ITSN2: variants seen among roughly 807,000 people sequenced by gnomAD.
The protein encoded by ITSN2 is intersectin-2.
In ITSN2, 156 loss-of-function variants were observed where a neutral mutation model predicts 243.7. The observed-to-expected ratio is 0.64, with a 90% CI of 0.56 to 0.73. ITSN2 has a LOEUF of 0.73. ITSN2 is among the 30% of genes least tolerant of loss of function. ITSN2 has a pLI of 0.00. For missense variants in ITSN2, 1,801 were observed against 1,996.1 expected, an observed-to-expected ratio of 0.90 and a Z score of 1.86; for synonymous variants, 703 against 699.9, an observed-to-expected ratio of 1.00 and a Z score of -0.07.
At chr2:24,255,984 TG>T (rs1674983819) in intron 23 of ITSN2, among the ~76,000 whole-genome samples, 2 of 150,614 alleles carry the variant, frequency 1.3e-5, no homozygotes, top group South Asian at 4.2e-4. Flanking sequence ...ACCCGGGAGG[TG>T]GAGGTTGTGG....
At chr2:24,310,225 T>G (rs1683081751) in intron 7 of ITSN2, 59 bp downstream of exon 7, 3 of 1,102,706 alleles carry the variant, frequency 2.7e-6, no homozygotes, top group African/African-American at 1.6e-5. Context: ...AAAAATCATT[T>G]GTTAAATAAA....
rs2151102164 is a variant in ITSN2 at position 24,211,197 on chromosome 2, T to C, written c.4090-250A>G. Among the ~76,000 whole-genome samples the C allele has an allele frequency of 6.6e-6, 1 of 152,298 alleles. No homozygotes were observed. Among genetic ancestry groups the C allele is most frequent in the East Asian group, 1.9e-4 (1 of 5,176 alleles). ...AACGGATCAAGTGCTCTGAACTGTGTGGGTCTCTGGTTGCTCTCCGACTGG... is the reference window on the plus strand; with the variant it reads ...AACGGATCAAGTGCTCTGAACTGTGCGGGTCTCTGGTTGCTCTCCGACTGG... On this transcript the variant is annotated intron_variant, in intron 33 of 39. Coordinates refer to ENST00000355123, the MANE Select transcript of ITSN2 (RefSeq NM_006277.3). The surrounding 1 kb of genome is among the most constrained non-coding windows in gnomAD (Gnocchi z 4.1).
At chr2:24,301,828 C>A in intron 10 of ITSN2, 137 bp downstream of exon 10, 1 of 817,780 alleles carries the variant, frequency 1.2e-6, no homozygotes, top group African/African-American at 1.8e-5. Context: ...TGGCCCACAC[C>A]TACTTCTAAT....
At chr2:24,221,913 G>C (rs1250259725) in intron 29 of ITSN2, among the ~76,000 whole-genome samples, 1 of 152,222 alleles carries the variant, frequency 6.6e-6, no homozygotes, top group Non-Finnish European at 1.5e-5. Flanking sequence ...CCTATACACA[G>C]TGATGTGGCG....
At chr2:24,320,411 C>T (rs4007344) in intron 2 of ITSN2, among the ~76,000 whole-genome samples, 135,828 of 139,722 alleles carry the variant, frequency 0.97, 66,001 homozygotes, top group East Asian at 0.99. Flanking sequence ...CCCAGCTACT[C>T]GGGAGGCTGA....
In ITSN2 at chr2:24,345,734, A is replaced by G. The variant is rs549259924; in HGVS notation, c.-34+14570T>C. Among the ~76,000 whole-genome samples, 16 of 152,034 alleles carry G rather than the reference A, an allele frequency of 1.1e-4. 1 individual carries two copies. Among genetic ancestry groups the G allele is most frequent in the African/African-American group, 3.6e-4 (15 of 41,564 alleles). On this transcript the variant is annotated intron_variant, in intron 1 of 39. Transcript: ENST00000355123. ...TATGCATTACAATAATAGATATTATATTAATAGTAAGCTTTTACCTGTAAC... is the reference window on the plus strand; with the variant it reads ...TATGCATTACAATAATAGATATTATGTTAATAGTAAGCTTTTACCTGTAAC...
chr2:24,250,216 T>C (rs1325728804), intron 25 of ITSN2, among the ~76,000 whole-genome samples: 1 of 152,242 alleles, frequency 6.6e-6, no homozygotes, highest in African/African-American at 2.4e-5. Context: ...AATTGTCCAC[T>C]CAACTAGGTT....
At chr2:24,278,587 T>C (rs573434721) in intron 17 of ITSN2, among the ~76,000 whole-genome samples, 1 of 148,886 alleles carries the variant, frequency 6.7e-6, no homozygotes, top group South Asian at 2.1e-4. Context: ...TTGCTACACA[T>C]AATAGTTAAG....
At chr2:24,343,873 T>C (rs1413265741) in intron 1 of ITSN2, among the ~76,000 whole-genome samples, 3 of 152,196 alleles carry the variant, frequency 2.0e-5, no homozygotes, top group Non-Finnish European at 4.4e-5. Context: ...ATAAATGTAA[T>C]TTATAAGCAC....
chr2:24,217,599 C>T (rs1670087177), intron 31 of ITSN2, among the ~76,000 whole-genome samples: 1 of 152,204 alleles, frequency 6.6e-6, no homozygotes, highest in African/African-American at 2.4e-5. Flanking sequence ...AGCTGCAGCT[C>T]TCCTCTGACT....
intron 25 of ITSN2, 31 bp from the exon 26 acceptor site, chr2:24,248,913 T>G (rs765352587): frequency 6.3e-7 from 1 of 1,596,928 alleles, no homozygotes; most frequent in South Asian, 1.1e-5. Flanking sequence ...GTTGTTTTAT[T>G]ATTTCCAACA....
chr2:24,237,792 G>T (rs551183860), intron 29 of ITSN2, among the ~76,000 whole-genome samples: 138 of 152,158 alleles, frequency 9.1e-4, no homozygotes, highest in African/African-American at 3.3e-3. Context: ...CATATGGGAG[G>T]CTTTGAAAGA....
At chr2:24,334,792 GGTGGCTCAC>G in intron 1 of ITSN2, 1 of 1,374,480 alleles carries the variant, frequency 7.3e-7, no homozygotes, top group Non-Finnish European at 1.0e-6. Flanking sequence ...GGCCGGGCGC[GGTGGCTCAC>G]GCCTGTAATC....
intron 7 of ITSN2, 58 bp downstream of exon 7, chr2:24,310,223 TTTG>T: frequency 9.2e-7 from 1 of 1,091,174 alleles, no homozygotes; most frequent in East Asian, 2.4e-5. Flanking sequence ...AAAAAAATCA[TTTG>T]TTAAATAAAG....
chr2:24,315,397 C>T (rs1314792649), intron 2 of ITSN2, among the ~76,000 whole-genome samples, 173 bp from the exon 3 acceptor site: 1 of 152,210 alleles, frequency 6.6e-6, no homozygotes, highest in African/African-American at 2.4e-5. Context: ...AGGCTTTTCA[C>T]TCATTGGCTC....
intron 17 of ITSN2, among the ~76,000 whole-genome samples, chr2:24,283,697 G>GT (rs1006779009): frequency 6.6e-6 from 1 of 152,196 alleles, no homozygotes; most frequent in Admixed American, 6.5e-5. Flanking sequence ...AATAAGCAGT[G>GT]TAAGTCTGGA....
At chr2:24,264,332 G>T (rs1008107592) in intron 20 of ITSN2, among the ~76,000 whole-genome samples, 4 of 151,350 alleles carry the variant, frequency 2.6e-5, no homozygotes, top group Admixed American at 2.0e-4. Flanking sequence ...AGGTTGCAGT[G>T]AGCCAAGATC....
chr2:24,360,036 C>A (rs1227076336), intron 1 of ITSN2, among the ~76,000 whole-genome samples: 2 of 151,962 alleles, frequency 1.3e-5, no homozygotes, highest in Admixed American at 6.5e-5. Context: ...CGGGCTCGGC[C>A]GCAAGGAAGG....
At chr2:24,353,244 T>C (rs756230017) in intron 1 of ITSN2, among the ~76,000 whole-genome samples, 5 of 152,054 alleles carry the variant, frequency 3.3e-5, no homozygotes, top group Non-Finnish European at 5.9e-5. Context: ...ATAAATAATC[T>C]ACGAAAGAAG....
Sources: gnomAD v4.1 joint callset for allele counts (sites outside exome capture counted in the v4.1 genomes callset) on GRCh38, gnomAD v4.1.1 for gene constraint, Gnocchi (gnomAD v3.1) non-coding constraint, MANE v1.5 for transcripts, NCBI Gene and HGNC (gene_info 2026-07-23, HGNC 2026-07-21) for gene names.